DNAJC18: variants seen among roughly 807,000 people sequenced by gnomAD.
DNAJC18 encodes dnaJ homolog subfamily C member 18.
A neutral mutation model predicts 48.6 loss-of-function variants in DNAJC18; 40 were observed. That is an observed-to-expected ratio of 0.82 (90% CI 0.64 to 1.07). The LOEUF (loss-of-function observed/expected upper bound fraction) is 1.07. Ranked by LOEUF, DNAJC18 falls within the 50% of genes least tolerant of loss-of-function variation. DNAJC18 has a pLI of 0.00. For synonymous variants in DNAJC18, 135 were observed against 152.2 expected (o/e 0.89, Z 0.83); for missense variants, 340 against 427.7 (o/e 0.79, Z 1.81).
In DNAJC18 at chr5:139,439,371, C is replaced by T. The variant is rs759842039; in HGVS notation, c.40+35G>A. On this transcript the variant is annotated intron_variant, in intron 1 of 7. Transcript: ENST00000302060. The surrounding 1 kb of genome is among the most constrained non-coding windows in gnomAD (Gnocchi z 4.1). ...CCTCATCCCTGATCTCTCCCGAAGG[C>T]CGCCCTATCCCTCCTTCAGGCGGGG... 7.4e-6 allele frequency: 12 copies of T among 1,614,202 alleles called. No individual in the cohort carries two copies. Among genetic ancestry groups the T allele is most frequent in the Non-Finnish European group, 1.0e-5 (12 of 1,180,036 alleles).
chr5:139,428,712 A>G (rs1562000407), intron 2 of DNAJC18, 29 bp from the exon 3 acceptor site: 2 of 1,594,852 alleles, frequency 1.3e-6, no homozygotes, highest in Admixed American at 1.8e-5. Context: ...ATGTATGTCT[A>G]TAAAGGTCCC....
intron 2 of DNAJC18, among the ~76,000 whole-genome samples, chr5:139,432,637 A>T (rs1759348424): frequency 6.6e-6 from 1 of 152,166 alleles, no homozygotes; most frequent in African/African-American, 2.4e-5. Flanking sequence ...GAGTTAATCC[A>T]AAAGAACTTT....
rs1311057760 is a variant in DNAJC18, at chr5:139,414,215, G to T, written c.1010C>A (p.Ala337Glu). The change falls in exon 8 of 8, where the codon GCA becomes GAA. Residue 337 changes from alanine to glutamate, a missense_variant. By Grantham distance (107) the Ala-to-Glu change is moderately radical (BLOSUM62 -1). Transcript: ENST00000302060. ...LYRDERLKQKAESLKLENCEK... is the reference protein window; with the variant it reads ...LYRDERLKQKEESLKLENCEK... ...ACAGTTTTCAAGTTTCAGCGACTCTGCTTTCTGTTTCAATCGTTCATCTCT... is the reference window on the plus strand; with the variant it reads ...ACAGTTTTCAAGTTTCAGCGACTCTTCTTTCTGTTTCAATCGTTCATCTCT... The T allele has an allele frequency of 1.2e-6, 2 of 1,614,014 alleles. No homozygotes were observed. The highest frequency in any genetic ancestry group is 1.7e-6 in the Non-Finnish European group (2 of 1,180,014).
chr5:139,426,297 T>A lies in DNAJC18; in HGVS notation c.434A>T (p.Tyr145Phe), dbSNP rs1446992966. The change falls in exon 4 of 8, where the codon TAC (tyrosine) becomes TTC (phenylalanine). Residue 145 changes from tyrosine to phenylalanine, a missense_variant. Coordinates refer to ENST00000302060, the MANE Select transcript of DNAJC18 (RefSeq NM_152686.4). ...AGTGAAAGTCACCTGTTCATCTCCGTATTCATCATAGCGAAGTCTCTTATC... is the reference window on the plus strand; with the variant it reads ...AGTGAAAGTCACCTGTTCATCTCCGAATTCATCATAGCGAAGTCTCTTATC... ...NPDKRLRYDE[Y>F]GDEQVTFTAP... 6.2e-7 allele frequency: 1 copy of A among 1,614,050 alleles called. No homozygotes were observed. Among genetic ancestry groups the A allele is most frequent in the Non-Finnish European group, 8.5e-7 (1 of 1,180,040 alleles).
chr5:139,434,185 C>G (rs779116793), intron 2 of DNAJC18, among the ~76,000 whole-genome samples: 1 of 152,142 alleles, frequency 6.6e-6, no homozygotes, highest in Non-Finnish European at 1.5e-5. Context: ...GCCACTTTTT[C>G]AAATTGTTGC....
rs1348773654 is a variant in DNAJC18, at chr5:139,413,193, C to T, written c.*955G>A. The T allele has an allele frequency of 3.8e-6, 1 of 260,436 alleles. No homozygotes were observed. The highest frequency in any genetic ancestry group is 5.5e-5 in the Admixed American group (1 of 18,338). The allele number at this position is 260,436 out of a possible 1,614,324, so 16.1% of individuals were successfully genotyped here. ...ACAAACTATAGGATACTGGGTTAAA[C>T]AAAGTGGCTGCTGGGGCCAAAGCTA... On this transcript the variant is annotated 3_prime_UTR_variant, in exon 8 of 8. Coordinates refer to ENST00000302060, the MANE Select transcript of DNAJC18 (RefSeq NM_152686.4).
chr5:139,425,578 G>A (rs1344947202), intron 4 of DNAJC18, among the ~76,000 whole-genome samples: 1 of 152,170 alleles, frequency 6.6e-6, no homozygotes, highest in Non-Finnish European at 1.5e-5. Context: ...GAACCAGCTG[G>A]AGCTAAAGCG....
chr5:139,439,343 G>T lies in DNAJC18; in HGVS notation c.40+63C>A. Reference sequence around the variant, plus strand: ...GATCTCAGCCCTTGTGCGTCTTCAGGATCCTCATCCCTGATCTCTCCCGAA... The same window carrying T: ...GATCTCAGCCCTTGTGCGTCTTCAGTATCCTCATCCCTGATCTCTCCCGAA... On this transcript the variant is annotated intron_variant, in intron 1 of 7. Transcript: ENST00000302060. The surrounding 1 kb of genome is among the most constrained non-coding windows in gnomAD (Gnocchi z 4.1). 2 of 1,612,746 alleles carry T rather than the reference G, an allele frequency of 1.2e-6. No individual in the cohort carries two copies. The highest frequency in any genetic ancestry group is 8.5e-7 in the Non-Finnish European group (1 of 1,178,886).
Position 139,413,993 on chromosome 5 carries a change from C to G in DNAJC18, c.*155G>C. Reference sequence around the variant, plus strand: ...AAGGATCCTGTGAAGACACATCTGGCTCTCGTGCCCATGCTCCTGCCACTC... The same window carrying G: ...AAGGATCCTGTGAAGACACATCTGGGTCTCGTGCCCATGCTCCTGCCACTC... On this transcript the variant is annotated 3_prime_UTR_variant, in exon 8 of 8. Coordinates refer to ENST00000302060, the MANE Select transcript of DNAJC18 (RefSeq NM_152686.4). The G allele has an allele frequency of 9.2e-7, 1 of 1,092,150 alleles. No individual in the cohort carries two copies. The allele number at this position is 1,092,150 out of a possible 1,614,324, so 67.7% of individuals were successfully genotyped here.
chr5:139,437,628 TCTCTGGGAGGCTGCTCGTAAG>T, intron 1 of DNAJC18, 70 bp from the exon 2 acceptor site: 1 of 1,528,028 alleles, frequency 6.5e-7, no homozygotes, highest in Non-Finnish European at 8.8e-7. Context: ...CTGCCTTTCC[TCTCTGGGAGGCTGCTCGTAAG>T]CATGAGAAGG....
At position 139,439,349 on chromosome 5, in the gene DNAJC18, C is replaced by A. The variant is rs1350708301; in HGVS notation, c.40+57G>T. The A allele has an allele frequency of 6.2e-7, 1 of 1,612,934 alleles. No homozygotes were observed. Among genetic ancestry groups the A allele is most frequent in the Admixed American group, 1.7e-5 (1 of 60,006 alleles). ...AGCCCTTGTGCGTCTTCAGGATCCT[C>A]ATCCCTGATCTCTCCCGAAGGCCGC... On this transcript the variant is annotated intron_variant, in intron 1 of 7. Transcript: ENST00000302060. The surrounding 1 kb of genome is among the most constrained non-coding windows in gnomAD (Gnocchi z 4.1).
chr5:139,420,919 T>C (rs1759141995), intron 6 of DNAJC18, among the ~76,000 whole-genome samples: 1 of 152,172 alleles, frequency 6.6e-6, no homozygotes, highest in Non-Finnish European at 1.5e-5. Context: ...GGACAAATTC[T>C]ACATTAAAGG....
chr5:139,423,338 G>C (rs1759183738), intron 5 of DNAJC18, among the ~76,000 whole-genome samples: 1 of 151,332 alleles, frequency 6.6e-6, no homozygotes, highest in Non-Finnish European at 1.5e-5. Context: ...AGAACTTTTT[G>C]AGTACCAGGA....
In DNAJC18 at chr5:139,412,287, C is replaced by CTT. The variant is rs1203235446; in HGVS notation, c.*1859_*1860dup. 2.1e-4 allele frequency: 31 copies of CTT among 150,552 alleles called. No homozygotes were observed. The East Asian group carries it at 5.0e-3, about 24-fold the overall frequency. The allele number at this position is 150,552 out of a possible 1,614,324, so 9.3% of individuals were successfully genotyped here. ...CTTTGGAATCTGTTTAATGTAGACTCTTTTTTTTTTTGAGATGGAGTGGAG... is the reference window on the plus strand; with the variant it reads ...CTTTGGAATCTGTTTAATGTAGACTCTTTTTTTTTTTTTGAGATGGAGTGGAG... On this transcript the variant is annotated 3_prime_UTR_variant, in exon 8 of 8. Coordinates refer to ENST00000302060, the MANE Select transcript of DNAJC18 (RefSeq NM_152686.4).
intron 3 of DNAJC18, among the ~76,000 whole-genome samples, 182 bp from the exon 4 acceptor site, chr5:139,426,539 G>T (rs915166166): frequency 2.0e-5 from 3 of 152,068 alleles, no homozygotes; most frequent in Non-Finnish European, 2.9e-5. Flanking sequence ...TTCCCTGATC[G>T]CCAGAAACAA....
chr5:139,439,267 A>T lies in DNAJC18; in HGVS notation c.40+139T>A. On this transcript the variant is annotated intron_variant, in intron 1 of 7. Coordinates refer to ENST00000302060, the MANE Select transcript of DNAJC18 (RefSeq NM_152686.4). This position sits in a 1 kb window ranked among gnomAD's most constrained non-coding sequence, Gnocchi z 4.1. ...GCTTCCCTACCCCATCCGCAACCCT[A>T]CTCAGGCTCAGCATCTTTTCACAGG... 1 of 1,388,902 alleles carries T rather than the reference A, an allele frequency of 7.2e-7. No individual in the cohort carries two copies. The highest frequency in any genetic ancestry group is 1.0e-6 in the Non-Finnish European group (1 of 998,916). 86.0% of individuals were successfully genotyped at this position (1,388,902 alleles called of 1,614,324 possible). A position where few individuals can be genotyped will look rare whatever the true frequency, so the allele number is the denominator to read the frequency against.
intron 2 of DNAJC18, among the ~76,000 whole-genome samples, chr5:139,435,455 G>T (rs1027752377): frequency 6.6e-6 from 1 of 152,114 alleles, no homozygotes; most frequent in African/African-American, 2.4e-5. Context: ...ATGTTACATT[G>T]ATTGACTTGT....
intron 7 of DNAJC18, among the ~76,000 whole-genome samples, chr5:139,417,412 G>A (rs958568037): frequency 1.3e-5 from 2 of 152,066 alleles, no homozygotes; most frequent in Non-Finnish European, 2.9e-5. Flanking sequence ...TGCTGGATTC[G>A]GAGGGCAGAT....
intron 5 of DNAJC18, among the ~76,000 whole-genome samples, chr5:139,424,491 G>A (rs554078090): frequency 3.3e-5 from 5 of 152,186 alleles, no homozygotes; most frequent in Non-Finnish European, 7.4e-5. Context: ...ACTTTGGGAA[G>A]CCAAGGCAGG....
Sources: gnomAD v4.1 joint callset for allele counts (sites outside exome capture counted in the v4.1 genomes callset) on GRCh38, gnomAD v4.1.1 for gene constraint, Gnocchi (gnomAD v3.1) non-coding constraint, MANE v1.5 for transcripts, NCBI Gene and HGNC (gene_info 2026-07-23, HGNC 2026-07-21) for gene names.